Variants in PTGES3 observed in about 807,000 individuals in gnomAD.
PTGES3 encodes prostaglandin E synthase 3.
In PTGES3, 5 loss-of-function variants were observed where a neutral mutation model predicts 29.9. That is an observed-to-expected ratio of 0.17 (90% CI 0.09 to 0.35). PTGES3 has a LOEUF of 0.35. Ranked by LOEUF, PTGES3 falls within the 10% of genes least tolerant of loss-of-function variation. The probability of loss-of-function intolerance (pLI) is 1.00; values close to 1 mark genes in which losing one functional copy is unlikely to be tolerated. For synonymous variants in PTGES3, 49 were observed against 57.8 expected (o/e 0.85, Z 0.69); for missense variants, 128 against 190.0 (o/e 0.67, Z 1.92).
intron 1 of PTGES3, among the ~76,000 whole-genome samples, chr12:56,676,964 G>C (rs535378023): frequency 5.4e-5 from 8 of 146,990 alleles, no homozygotes; most frequent in African/African-American, 1.5e-4. Context: ...GGCTAAGTGC[G>C]GTGGCTTATG....
At chr12:56,684,015 T>G (rs926627476) in intron 1 of PTGES3, among the ~76,000 whole-genome samples, 1 of 150,474 alleles carries the variant, frequency 6.6e-6, no homozygotes, top group African/African-American at 2.4e-5. Flanking sequence ...TAATTGCCGA[T>G]CCACACAGTA....
intron 1 of PTGES3, among the ~76,000 whole-genome samples, chr12:56,683,858 C>A (rs1317537009): frequency 7.0e-6 from 1 of 143,398 alleles, no homozygotes; most frequent in Non-Finnish European, 1.5e-5. Flanking sequence ...ACTCGGGAGG[C>A]TGAGGCAAGA....
chr12:56,670,661 A>C (rs1217178196), intron 4 of PTGES3: 3 of 247,588 alleles, frequency 1.2e-5, no homozygotes, highest in Non-Finnish European at 2.4e-5. Context: ...TGGCAATGCA[A>C]CCCAGACTTG....
intron 1 of PTGES3, among the ~76,000 whole-genome samples, chr12:56,678,881 C>T (rs1358317370): frequency 2.0e-5 from 3 of 152,088 alleles, no homozygotes; most frequent in Admixed American, 6.6e-5. Context: ...CTTTAGGAGG[C>T]CAAGGTGAGA....
intron 1 of PTGES3, among the ~76,000 whole-genome samples, chr12:56,675,732 G>C (rs577107387): frequency 1.4e-4 from 21 of 152,104 alleles, no homozygotes; most frequent in African/African-American, 5.1e-4. Flanking sequence ...GACCAGCCTG[G>C]CAAACATTAT....
At chr12:56,685,279 G>A (rs528006663) in intron 1 of PTGES3, among the ~76,000 whole-genome samples, 1 of 151,944 alleles carries the variant, frequency 6.6e-6, no homozygotes, top group Non-Finnish European at 1.5e-5. Flanking sequence ...TTTACTAAAC[G>A]GCATATATTA....
In PTGES3 at chr12:56,678,445, G is replaced by A. The variant is rs533076828; in HGVS notation, c.3-5380C>T. ...ACCCGCCTCAGCCTCCCAAAGTGCTGGAATTACAGGAGTGAGCCACCATAC... is the reference window on the plus strand; with the variant it reads ...ACCCGCCTCAGCCTCCCAAAGTGCTAGAATTACAGGAGTGAGCCACCATAC... On this transcript the variant is annotated intron_variant, in intron 1 of 7. Coordinates refer to ENST00000262033, the MANE Select transcript of PTGES3 (RefSeq NM_006601.7). 7.9e-5 allele frequency among the ~76,000 whole-genome samples: 12 copies of A among 152,240 alleles called. No homozygotes were observed. In the South Asian group the frequency reaches 2.3e-3, roughly 29 times the overall value.
rs562139920 is a variant in PTGES3 at position 56,667,221 on chromosome 12, G to T, written c.376-955C>A. Among the ~76,000 whole-genome samples the T allele has an allele frequency of 3.3e-5, 5 of 152,194 alleles. No individual in the cohort carries two copies. In the East Asian group the frequency reaches 9.6e-4, roughly 29 times the overall value. On this transcript the variant is annotated intron_variant, in intron 5 of 7. Coordinates refer to ENST00000262033, the MANE Select transcript of PTGES3 (RefSeq NM_006601.7). The stretch of plus-strand genomic sequence containing the variant: ...AGGAGCAAGCCACTGTGCCAGGCCT[G>T]GTATTCTCATCATGGTTTTAGATAT...
chr12:56,672,842 C>A, intron 2 of PTGES3, 33 bp from the exon 3 acceptor site: 1 of 1,553,764 alleles, frequency 6.4e-7, no homozygotes, highest in Non-Finnish European at 8.7e-7. Context: ...AATTAAGCCT[C>A]TTCAAAGAGA....
chr12:56,675,630 A>G (rs1952204612), intron 1 of PTGES3, among the ~76,000 whole-genome samples: 1 of 151,992 alleles, frequency 6.6e-6, no homozygotes, highest in South Asian at 2.1e-4. Flanking sequence ...CATTAAAACT[A>G]CAAACAGGGC....
chr12:56,682,327 G>C (rs906410098), intron 1 of PTGES3, among the ~76,000 whole-genome samples: 1 of 152,170 alleles, frequency 6.6e-6, no homozygotes, highest in Admixed American at 6.6e-5. Context: ...GGGAGGCTGA[G>C]GAGGGAAGAC....
intron 5 of PTGES3, among the ~76,000 whole-genome samples, chr12:56,668,108 C>CA (rs1372635115): frequency 2.0e-5 from 3 of 151,796 alleles, no homozygotes; most frequent in South Asian, 2.1e-4. Flanking sequence ...AACTCTGCCT[C>CA]AAAAAAATAA....
chr12:56,667,588 C>T (rs1951836714), intron 5 of PTGES3, among the ~76,000 whole-genome samples: 1 of 152,142 alleles, frequency 6.6e-6, no homozygotes, highest in Non-Finnish European at 1.5e-5. Flanking sequence ...CTGCATGATT[C>T]CACTTATATG....
chr12:56,677,666 AT>A (rs200464492), intron 1 of PTGES3, among the ~76,000 whole-genome samples: 20 of 150,252 alleles, frequency 1.3e-4, no homozygotes, highest in African/African-American at 3.2e-4. Context: ...TATTATTATT[AT>A]TTTTTTTTGG....
intron 5 of PTGES3, among the ~76,000 whole-genome samples, chr12:56,667,662 G>A (rs1951839564): frequency 1.3e-5 from 2 of 152,204 alleles, no homozygotes; most frequent in South Asian, 4.1e-4. Context: ...GAGTAGAATG[G>A]TAGATGCCAG....
At chr12:56,686,231 T>C (rs756530885) in intron 1 of PTGES3, among the ~76,000 whole-genome samples, 3 of 152,208 alleles carry the variant, frequency 2.0e-5, no homozygotes, top group South Asian at 2.1e-4. Context: ...GGCTCTATTA[T>C]TAAAAGCTGC....
Position 56,682,669 on chromosome 12 carries a change from G to C in PTGES3, c.2+5329C>G, listed in dbSNP as rs548294622. ...TTGGGAGGAAGATCACTTGAGCCCAGGAGTTCAAGACCAACCTGGACAACA... is the reference window on the plus strand; with the variant it reads ...TTGGGAGGAAGATCACTTGAGCCCACGAGTTCAAGACCAACCTGGACAACA... On this transcript the variant is annotated intron_variant, in intron 1 of 7. Transcript: ENST00000262033. Among the ~76,000 whole-genome samples, 5 of 139,418 alleles carry C rather than the reference G, an allele frequency of 3.6e-5. No individual in the cohort carries two copies. The East Asian group carries it at 1.1e-3, about 31-fold the overall frequency. 91.5% of individuals were successfully genotyped at this position (139,418 alleles called of 152,430 possible).
At chr12:56,686,374 A>C (rs1239392063) in intron 1 of PTGES3, among the ~76,000 whole-genome samples, 2 of 22,506 alleles carry the variant, frequency 8.9e-5, no homozygotes, top group African/African-American at 2.1e-4. Context: ...ATACATTCAA[A>C]TTTATTTATT....
In PTGES3 at chr12:56,679,178, G is replaced by A. The variant is rs560378480; in HGVS notation, c.3-6113C>T. 2.6e-5 allele frequency among the ~76,000 whole-genome samples: 4 copies of A among 152,224 alleles called. No individual in the cohort carries two copies. The East Asian group carries it at 5.8e-4, about 22-fold the overall frequency. On this transcript the variant is annotated intron_variant, in intron 1 of 7. Coordinates refer to ENST00000262033, the MANE Select transcript of PTGES3 (RefSeq NM_006601.7). The stretch of plus-strand genomic sequence containing the variant: ...TAATATCAGCACTTTGGGAGCCCAA[G>A]GCTGGCAGATTACTGGAGGCCAGGA...
Sources: gnomAD v4.1 joint callset for allele counts (sites outside exome capture counted in the v4.1 genomes callset) on GRCh38, gnomAD v4.1.1 for gene constraint, MANE v1.5 for transcripts, NCBI Gene and HGNC (gene_info 2026-07-23, HGNC 2026-07-21) for gene names.